SLC26A7: variants seen among roughly 807,000 people sequenced by gnomAD.
The protein encoded by SLC26A7 is anion exchange transporter.
SLC26A7 carries 59 observed loss-of-function variants against 82.5 expected under a neutral mutation model. The observed-to-expected ratio is 0.72, with a 90% CI of 0.58 to 0.89. The LOEUF (loss-of-function observed/expected upper bound fraction) is 0.89. Ranked by LOEUF, SLC26A7 falls within the 40% of genes least tolerant of loss-of-function variation. The pLI, the probability that SLC26A7 is intolerant of heterozygous loss-of-function variation, is 0.00. For synonymous variants in SLC26A7, 271 were observed against 274.3 expected (o/e 0.99, Z 0.12); for missense variants, 820 against 793.0 (o/e 1.03, Z -0.41).
Position 91,225,643 on chromosome 8 carries a change from GTTTTT to G in SLC26A7, c.-34+6666_-34+6670del, listed in dbSNP as rs55732709. On this transcript the variant is annotated intron_variant, in intron 2 of 5. Coordinates refer to the SLC26A7 transcript ENST00000522862. ...TCTTGGCCCTGCCCCCTAGAAAAGT[GTTTTT>G]TTTTTTTTTTTTTTTTTTTTTTTTT... Among the ~76,000 whole-genome samples the G allele has an allele frequency of 4.2e-3, 153 of 36,130 alleles. 2 individuals are homozygous for G. The Middle Eastern group carries it at 0.071, about 17-fold the overall frequency. The allele number at this position is 36,130 out of a possible 152,430, so 23.7% of individuals were successfully genotyped here. A position where few individuals can be genotyped will look rare whatever the true frequency, so the allele number is the denominator to read the frequency against.
rs765146924 is a variant in SLC26A7, at chr8:91,249,803, C to A, written c.152C>A (p.Thr51Asn). The change falls in exon 2 of 19, where the codon ACT becomes AAT. Residue 51 changes from threonine to asparagine, a missense_variant. Thr to Asn is a moderately conservative substitution (Grantham distance 65, BLOSUM62 0). Coordinates refer to ENST00000276609, the MANE Select transcript of SLC26A7 (RefSeq NM_052832.4). ...CTGAAAGAAAACTTGCTTCCAGACA[C>A]TGTGTCTGGGATAATGTTGGCAGTT... ...YNLKENLLPDTVSGIMLAVQQ... is the reference protein window; with the variant it reads ...YNLKENLLPDNVSGIMLAVQQ... The A allele has an allele frequency of 6.2e-7, 1 of 1,610,122 alleles. No individual in the cohort carries two copies. The highest frequency in any genetic ancestry group is 1.7e-5 in the Admixed American group (1 of 59,216).
intron 2 of SLC26A7, among the ~76,000 whole-genome samples, chr8:91,252,052 C>A (rs1810671954): frequency 6.6e-6 from 1 of 152,086 alleles, no homozygotes; most frequent in South Asian, 2.1e-4. Context: ...ATTATCAGCT[C>A]AATTTTCTAA....
intron 4 of SLC26A7, among the ~76,000 whole-genome samples, chr8:91,304,191 A>G (rs1371512266): frequency 2.0e-5 from 3 of 152,244 alleles, no homozygotes; most frequent in Admixed American, 1.3e-4. Flanking sequence ...TTATACAGAT[A>G]AAGATACTGA....
At chr8:91,234,598 C>T (rs979438815) in intron 2 of SLC26A7, among the ~76,000 whole-genome samples, 8 of 151,740 alleles carry the variant, frequency 5.3e-5, no homozygotes, top group African/African-American at 1.7e-4. Flanking sequence ...AAGGGAATTC[C>T]GAAATTAAAT....
chr8:91,336,557 A>G (rs1314406195), intron 6 of SLC26A7, among the ~76,000 whole-genome samples: 2 of 151,994 alleles, frequency 1.3e-5, no homozygotes, highest in Non-Finnish European at 2.9e-5. Context: ...GTCTTCCACA[A>G]AGCTGATCCC....
At chr8:91,359,639 G>GAAA (rs1813990685) in intron 11 of SLC26A7, among the ~76,000 whole-genome samples, 1 of 152,160 alleles carries the variant, frequency 6.6e-6, no homozygotes, top group East Asian at 1.9e-4. Flanking sequence ...GCCTTCTGTG[G>GAAA]TTGGAGTGGA....
intron 2 of SLC26A7, among the ~76,000 whole-genome samples, chr8:91,223,647 T>C (rs986731194): frequency 6.6e-6 from 1 of 152,180 alleles, no homozygotes; most frequent in African/African-American, 2.4e-5. Flanking sequence ...CTGATGATTA[T>C]GTGTCTTTGG....
chr8:91,249,808 T>G lies in SLC26A7; in HGVS notation c.157T>G (p.Ser53Ala). The change falls in exon 2 of 19, where the codon TCT becomes GCT. Residue 53 changes from serine (S) to alanine (A), a missense_variant. Physicochemically the swap from Ser to Ala is moderately conservative, Grantham distance 99 (BLOSUM62 1). Transcript: ENST00000276609. Reference protein sequence around the residue: ...LKENLLPDTVSGIMLAVQQVT... With the variant: ...LKENLLPDTVAGIMLAVQQVT... ...AGAAAACTTGCTTCCAGACACTGTG[T>G]CTGGGATAATGTTGGCAGTTCAACA... 1 of 1,609,084 alleles carries G rather than the reference T, an allele frequency of 6.2e-7. No homozygotes were observed. Among genetic ancestry groups the G allele is most frequent in the Non-Finnish European group, 8.5e-7 (1 of 1,178,252 alleles).
rs1172784431 is a variant in SLC26A7, at chr8:91,395,630, CAAACA to C, written c.*538_*542del. The C allele has an allele frequency of 2.6e-5, 4 of 152,108 alleles. No individual in the cohort carries two copies. The highest frequency in any genetic ancestry group is 9.7e-5 in the African/African-American group (4 of 41,406). The allele number at this position is 152,108 out of a possible 1,614,324, so 9.4% of individuals were successfully genotyped here. On this transcript the variant is annotated 3_prime_UTR_variant, in exon 19 of 19. Coordinates refer to ENST00000276609, the MANE Select transcript of SLC26A7 (RefSeq NM_052832.4). ...GATGTGAAATTCACAAAAAGTAAAC[CAAACA>C]AAACGAATGAAAAACTGGAAATAAT...
intron 2 of SLC26A7, among the ~76,000 whole-genome samples, chr8:91,272,821 T>C (rs1261931588): frequency 1.3e-5 from 2 of 152,192 alleles, no homozygotes; most frequent in African/African-American, 4.8e-5. Context: ...TGTTTTACAA[T>C]AATTTCTGTG....
At chr8:91,264,886 T>C (rs1811068447) in intron 2 of SLC26A7, among the ~76,000 whole-genome samples, 1 of 152,052 alleles carries the variant, frequency 6.6e-6, no homozygotes, top group Non-Finnish European at 1.5e-5. Flanking sequence ...CATCATTTTT[T>C]TGTGGTAATA....
chr8:91,230,460 G>A (rs1271925778), intron 2 of SLC26A7, among the ~76,000 whole-genome samples: 1 of 152,084 alleles, frequency 6.6e-6, no homozygotes, highest in Non-Finnish European at 1.5e-5. Flanking sequence ...TTCCCACCTG[G>A]GGACTTTCTC....
At chr8:91,260,191 T>G (rs1810923419) in intron 2 of SLC26A7, among the ~76,000 whole-genome samples, 1 of 152,048 alleles carries the variant, frequency 6.6e-6, no homozygotes, top group Non-Finnish European at 1.5e-5. Context: ...TCAGAAAACT[T>G]ATAGTCATGG....
chr8:91,338,313 A>G (rs1813302504), intron 7 of SLC26A7, 81 bp downstream of exon 7: 3 of 868,932 alleles, frequency 3.5e-6, no homozygotes, highest in Non-Finnish European at 3.5e-6. Context: ...GTGAGTGGGT[A>G]TGGATATTTC....
At chr8:91,236,987 G>A (rs117204920) in intron 2 of SLC26A7, among the ~76,000 whole-genome samples, 3 of 152,172 alleles carry the variant, frequency 2.0e-5, no homozygotes, top group Admixed American at 6.5e-5. Flanking sequence ...TCTGTCAACC[G>A]AACTTGCAGA....
At chr8:91,309,022 A>G (rs896311967) in intron 4 of SLC26A7, among the ~76,000 whole-genome samples, 1 of 152,144 alleles carries the variant, frequency 6.6e-6, no homozygotes, top group Non-Finnish European at 1.5e-5. Context: ...TTTAAGATTT[A>G]GATGGTAGGT....
Position 91,249,578 on chromosome 8 carries a change from T to C in SLC26A7, c.-74T>C. 1 of 1,244,132 alleles carries C rather than the reference T, an allele frequency of 8.0e-7. No individual in the cohort carries two copies. The highest frequency in any genetic ancestry group is 1.1e-6 in the Non-Finnish European group (1 of 937,288). 77.1% of individuals were successfully genotyped at this position (1,244,132 alleles called of 1,614,324 possible). A position where few individuals can be genotyped will look rare whatever the true frequency, so the allele number is the denominator to read the frequency against. ...ACCACAGACGAATTGGAGCTTGGCATTGAAAGGAGGTGTTCTGCAATGATT... is the reference window on the plus strand; with the variant it reads ...ACCACAGACGAATTGGAGCTTGGCACTGAAAGGAGGTGTTCTGCAATGATT... On this transcript the variant is annotated 5_prime_UTR_variant, in exon 2 of 19. Transcript: ENST00000276609.
chr8:91,391,164 A>C (rs1814956105), intron 16 of SLC26A7, among the ~76,000 whole-genome samples: 1 of 152,188 alleles, frequency 6.6e-6, no homozygotes, highest in East Asian at 1.9e-4. Context: ...AGGATAGTAC[A>C]AAGGTCAACA....
intron 2 of SLC26A7, among the ~76,000 whole-genome samples, chr8:91,220,852 C>T (rs1400368499): frequency 2.6e-5 from 4 of 152,040 alleles, no homozygotes; most frequent in Admixed American, 6.5e-5. Flanking sequence ...ATTTATAATC[C>T]TTTGGGTATA....
Sources: gnomAD v4.1 joint callset for allele counts (sites outside exome capture counted in the v4.1 genomes callset) on GRCh38, gnomAD v4.1.1 for gene constraint, MANE v1.5 for transcripts, NCBI Gene and HGNC (gene_info 2026-07-23, HGNC 2026-07-21) for gene names.